Variants in REDIC1 observed in about 807,000 individuals in gnomAD.
REDIC1 encodes HEI10 Interacting Protein 1.
the REDIC1 span, among the ~76,000 whole-genome samples, chr12:39,668,261 G>A: frequency 2.0e-5 from 3 of 151,932 alleles, no homozygotes; most frequent in Non-Finnish European, 4.4e-5. Flanking sequence ...GGGCAGGCCT[G>A]GTGGTGACAA....
At chr12:39,683,930 T>C in the REDIC1 span, among the ~76,000 whole-genome samples, 1 of 152,154 alleles carries the variant, frequency 6.6e-6, no homozygotes, top group Non-Finnish European at 1.5e-5. Context: ...AGAATTCAGA[T>C]GTTAGTGGCA....
chr12:39,844,925 A>T, the REDIC1 span, among the ~76,000 whole-genome samples: 1 of 152,076 alleles, frequency 6.6e-6, no homozygotes, highest in African/African-American at 2.4e-5. Flanking sequence ...AGATCAATTG[A>T]ATTTAAGAGA....
chr12:39,705,168 G>C, the REDIC1 span, among the ~76,000 whole-genome samples: 3 of 151,986 alleles, frequency 2.0e-5, no homozygotes, highest in African/African-American at 4.8e-5. Flanking sequence ...AGGATCATTC[G>C]TGGGTGCTAT....
At chr12:39,849,353 T>G in the REDIC1 span, among the ~76,000 whole-genome samples, 944 of 152,186 alleles carry the variant, frequency 6.2e-3, 7 homozygotes, top group African/African-American at 0.022. Context: ...GCATGAAAGG[T>G]GACCTAAAAG....
the REDIC1 span, among the ~76,000 whole-genome samples, chr12:39,728,357 T>A: frequency 1.3e-5 from 2 of 152,128 alleles, no homozygotes; most frequent in East Asian, 1.9e-4. Context: ...CATGAAGGGG[T>A]GTTGAATTTT....
At chr12:39,855,904 C>T in the REDIC1 span, among the ~76,000 whole-genome samples, 2 of 152,138 alleles carry the variant, frequency 1.3e-5, no homozygotes, top group East Asian at 3.9e-4. Context: ...CTTATTAGCA[C>T]CACACAACAA....
At chr12:39,698,645 C>G in the REDIC1 span, among the ~76,000 whole-genome samples, 1 of 152,152 alleles carries the variant, frequency 6.6e-6, no homozygotes, top group Non-Finnish European at 1.5e-5. Context: ...TATCAAATAT[C>G]TTTTCTAACT....
chr12:39,865,102 G>C, the REDIC1 span, among the ~76,000 whole-genome samples: 5 of 152,202 alleles, frequency 3.3e-5, no homozygotes, highest in Admixed American at 2.6e-4. Context: ...CATGATGAGA[G>C]TGAAATTCAA....
At chr12:39,876,000 T>C in the REDIC1 span, among the ~76,000 whole-genome samples, 1 of 152,190 alleles carries the variant, frequency 6.6e-6, no homozygotes, top group Non-Finnish European at 1.5e-5. Context: ...AAAGGCTTTC[T>C]TTCCTTTTTA....
the REDIC1 span, among the ~76,000 whole-genome samples, chr12:39,896,113 A>T: frequency 2.3e-4 from 33 of 143,578 alleles, no homozygotes; most frequent in African/African-American, 7.5e-4. Flanking sequence ...TACATATATG[A>T]ATGCATACAT....
chr12:39,746,760 C>T, the REDIC1 span, among the ~76,000 whole-genome samples: 1 of 152,244 alleles, frequency 6.6e-6, no homozygotes, highest in Non-Finnish European at 1.5e-5. Flanking sequence ...GCAGCATTTG[C>T]TGTTCAGCAA....
At chr12:39,780,872 C>T in the REDIC1 span, among the ~76,000 whole-genome samples, 1 of 152,112 alleles carries the variant, frequency 6.6e-6, no homozygotes, top group Admixed American at 6.5e-5. Flanking sequence ...CTAGAAGCTG[C>T]TTAGAGTATG....
the REDIC1 span, chr12:39,764,624 A>G: frequency 6.3e-7 from 1 of 1,581,426 alleles, no homozygotes; most frequent in African/African-American, 1.4e-5. Context: ...TGAGAAATAA[A>G]ACATTAAAAA....
At chr12:39,649,783 C>T in the REDIC1 span, among the ~76,000 whole-genome samples, 1 of 151,880 alleles carries the variant, frequency 6.6e-6, no homozygotes, top group Non-Finnish European at 1.5e-5. Context: ...TCTTTTCACT[C>T]TCCCTTTTGA....
chr12:39,782,517 T>G, the REDIC1 span, among the ~76,000 whole-genome samples: 3 of 152,172 alleles, frequency 2.0e-5, no homozygotes, highest in Non-Finnish European at 4.4e-5. Flanking sequence ...CATGTGGAAC[T>G]GTAAGTCCAA....
the REDIC1 span, chr12:39,683,557 C>A: frequency 2.4e-6 from 3 of 1,226,526 alleles, no homozygotes; most frequent in Middle Eastern, 1.9e-4. Flanking sequence ...TGAATTGATG[C>A]AAAGTGAGGT....
the REDIC1 span, among the ~76,000 whole-genome samples, chr12:39,865,440 A>C: frequency 6.6e-6 from 1 of 152,220 alleles, no homozygotes; most frequent in Non-Finnish European, 1.5e-5. Flanking sequence ...ACCAGAAATA[A>C]TATATCACAT....
At chr12:39,789,315 AT>A in the REDIC1 span, among the ~76,000 whole-genome samples, 1 of 151,976 alleles carries the variant, frequency 6.6e-6, no homozygotes, top group South Asian at 2.1e-4. Context: ...TATATGATTT[AT>A]TTTATTACTT....
chr12:39,647,698 C>A, the REDIC1 span: 7 of 919,866 alleles, frequency 7.6e-6, no homozygotes, highest in South Asian at 2.6e-5. Flanking sequence ...TAACCCCTGC[C>A]CTTTTCACTT....
Sources: allele counts gnomAD v4.1 joint callset (sites outside exome capture counted in the v4.1 genomes callset), GRCh38; gene constraint gnomAD v4.1.1; transcripts MANE v1.5; gene names NCBI Gene and HGNC (gene_info 2026-07-23, HGNC 2026-07-21).